Variants in ANK1 observed in about 807,000 individuals in gnomAD.
ANK1 encodes the protein ankyrin 1, also known as ankyrin-1.
In ANK1, 51 loss-of-function variants were observed where a neutral mutation model predicts 210.4. The observed-to-expected ratio is 0.24, with a 90% CI of 0.19 to 0.31. The LOEUF (loss-of-function observed/expected upper bound fraction) is 0.31, where lower values mean the gene tolerates loss of function less well. Ranked by LOEUF, ANK1 falls within the 10% of genes least tolerant of loss-of-function variation. ANK1 has a pLI of 1.00. For synonymous variants in ANK1, 967 were observed against 1,025.9 expected (o/e 0.94, Z 1.10); for missense variants, 2,051 against 2,504.4 (o/e 0.82, Z 3.86).
chr8:41,660,485 T>A, intron 42 of ANK1: 3 of 456,134 alleles, frequency 6.6e-6, no homozygotes, highest in South Asian at 3.2e-5. Flanking sequence ...ATGAAGGGCC[T>A]CGGGGCAGCT....
In ANK1 at chr8:41,844,577, G is replaced by A. The variant is rs562839304; in HGVS notation, c.126+51778C>T. The stretch of plus-strand genomic sequence containing the variant: ...GCACAGGAGCTGCGGTCAAAGCCTC[G>A]GGGCCCCAGCCCTGCCACCTGTCTC... On this transcript the variant is annotated intron_variant, in intron 1 of 42. Coordinates refer to the ANK1 transcript ENST00000265709. Among the ~76,000 whole-genome samples the A allele has an allele frequency of 4.6e-5, 7 of 152,206 alleles. No individual in the cohort carries two copies. In the South Asian group the frequency reaches 1.0e-3, roughly 23 times the overall value.
At chr8:41,776,535 G>C (rs1844089220) in intron 1 of ANK1, among the ~76,000 whole-genome samples, 1 of 152,130 alleles carries the variant, frequency 6.6e-6, no homozygotes, top group African/African-American at 2.4e-5. Context: ...CGTCTTCCCG[G>C]CTGGCCCACA....
chr8:41,721,656 CAAAAAAAAA>C (rs55653901), intron 9 of ANK1, among the ~76,000 whole-genome samples: 1 of 108,130 alleles, frequency 9.2e-6, no homozygotes, highest in Non-Finnish European at 1.9e-5. Context: ...GACTTCATCT[CAAAAAAAAA>C]AAAAAAAAAA....
intron 1 of ANK1, among the ~76,000 whole-genome samples, chr8:41,852,309 C>T (rs1371465460): frequency 3.9e-5 from 6 of 152,214 alleles, no homozygotes; most frequent in Non-Finnish European, 8.8e-5. Context: ...TAAGACGTGG[C>T]CCCTGCCTGA....
intron 1 of ANK1, among the ~76,000 whole-genome samples, chr8:41,775,397 C>T (rs1843805086): frequency 2.0e-5 from 3 of 152,146 alleles, no homozygotes; most frequent in African/African-American, 4.8e-5. Context: ...GGGGTCTGTG[C>T]CCCTGGAGTT....
chr8:41,740,974 G>A (rs1834642881), intron 2 of ANK1, among the ~76,000 whole-genome samples: 1 of 152,186 alleles, frequency 6.6e-6, no homozygotes, highest in South Asian at 2.1e-4. Flanking sequence ...AGGGGGACAG[G>A]GCAGGTGAGG....
intron 1 of ANK1, among the ~76,000 whole-genome samples, chr8:41,872,972 T>A (rs1373677432): frequency 6.6e-6 from 1 of 152,194 alleles, no homozygotes; most frequent in Non-Finnish European, 1.5e-5. Flanking sequence ...AAACACAATA[T>A]TAAATCCTCA....
chr8:41,775,143 G>A (rs533004806), intron 1 of ANK1, among the ~76,000 whole-genome samples: 8 of 152,098 alleles, frequency 5.3e-5, no homozygotes, highest in East Asian at 3.9e-4. Flanking sequence ...ATGCCCAGGC[G>A]TTGGACAGCC....
At chr8:41,690,701 C>T (rs553454747) in intron 31 of ANK1, 102 bp from the exon 32 acceptor site, 80 of 1,512,272 alleles carry the variant, frequency 5.3e-5, no homozygotes, top group Non-Finnish European at 7.3e-5. Context: ...CACCCTGCCT[C>T]AGCAAGAGGC....
chr8:41,657,932 C>T (rs1203769680), intron 42 of ANK1, among the ~76,000 whole-genome samples: 1 of 152,124 alleles, frequency 6.6e-6, no homozygotes, highest in Admixed American at 6.5e-5. Context: ...CCCAGGCTAG[C>T]GTGCAGTGGT....
At chr8:41,875,926 G>C (rs1301175811) in intron 1 of ANK1, among the ~76,000 whole-genome samples, 1 of 152,096 alleles carries the variant, frequency 6.6e-6, no homozygotes, top group East Asian at 1.9e-4. Flanking sequence ...CTGCATCCGA[G>C]GCTCCCCAGA....
chr8:41,672,468 C>T lies in ANK1; in HGVS notation c.4982G>A (p.Gly1661Asp). Reference protein sequence around the residue: ...PGSKRQDDATGAGQDSENEVS... With the variant: ...PGSKRQDDATDAGQDSENEVS... ...TTCATTCTCTGAGTCCTGCCCTGCA[C>T]CTGTCGCGTCATCCTGCCTCTTAGA... is the stretch of plus-strand genomic sequence containing the variant. Residue 1661 changes from glycine to aspartate, a missense_variant, in exon 38 of 43, where the codon GGT (glycine) becomes GAT (aspartate). By Grantham distance (94) the Gly-to-Asp change is moderately conservative. Transcript: ENST00000289734. 1 of 1,614,222 alleles carries T rather than the reference C, an allele frequency of 6.2e-7. No individual in the cohort carries two copies. Among genetic ancestry groups the T allele is most frequent in the Non-Finnish European group, 8.5e-7 (1 of 1,180,034 alleles).
At chr8:41,661,171 C>T (rs527276409) in intron 42 of ANK1, 31 of 499,744 alleles carry the variant, frequency 6.2e-5, no homozygotes, top group East Asian at 2.9e-4. Context: ...CCACTGTGCC[C>T]GGCCCAAAAG....
intron 1 of ANK1, chr8:41,829,010 G>GATTAA (rs1418128677): frequency 2.6e-5 from 4 of 152,312 alleles, no homozygotes; most frequent in African/African-American, 9.6e-5. Flanking sequence ...CACCGCCGCA[G>GATTAA]TTGAAAGAAT....
At chr8:41,714,367 T>C (rs1827034885) in intron 15 of ANK1, 113 bp from the exon 16 acceptor site, 1 of 818,436 alleles carries the variant, frequency 1.2e-6, no homozygotes, top group Non-Finnish European at 1.8e-6. Flanking sequence ...GTTTAAAATC[T>C]TTCCCAGGCC....
intron 1 of ANK1, among the ~76,000 whole-genome samples, chr8:41,763,706 A>C (rs985820690): frequency 6.6e-6 from 1 of 151,840 alleles, no homozygotes; most frequent in Non-Finnish European, 1.5e-5. Flanking sequence ...GTCCCTGAGC[A>C]CTCTATTCAG....
intron 16 of ANK1, 73 bp from the exon 17 acceptor site, chr8:41,709,048 G>A: frequency 6.3e-7 from 1 of 1,581,506 alleles, no homozygotes; most frequent in Non-Finnish European, 8.6e-7. Context: ...ACAAGCAGGG[G>A]CTGAGTCTGG....
chr8:41,856,755 A>G (rs1812229406), intron 1 of ANK1, among the ~76,000 whole-genome samples: 1 of 152,096 alleles, frequency 6.6e-6, no homozygotes, highest in Non-Finnish European at 1.5e-5. Flanking sequence ...AAATGCAAAT[A>G]TTCCAAAATC....
chr8:41,659,183 T>C (rs1806913021), intron 42 of ANK1, among the ~76,000 whole-genome samples: 1 of 152,230 alleles, frequency 6.6e-6, no homozygotes, highest in Non-Finnish European at 1.5e-5. Flanking sequence ...CATTCCCTCC[T>C]TAAGGAACAT....
Sources: allele counts gnomAD v4.1 joint callset (sites outside exome capture counted in the v4.1 genomes callset), GRCh38; gene constraint gnomAD v4.1.1; transcripts MANE v1.5; gene names NCBI Gene and HGNC (gene_info 2026-07-23, HGNC 2026-07-21).